RAD51B: variants seen among roughly 807,000 people sequenced by gnomAD.
The protein encoded by RAD51B is RAD51 paralog B, also known as DNA repair protein RAD51 homolog 2.
A neutral mutation model predicts 42.2 loss-of-function variants in RAD51B; 38 were observed. That is an observed-to-expected ratio of 0.90 (90% CI 0.70 to 1.18). The LOEUF is 1.18. RAD51B is among the 50% of genes most tolerant of loss of function. The pLI, the probability that RAD51B is intolerant of heterozygous loss-of-function variation, is 0.00. For missense variants in RAD51B, 373 were observed against 400.7 expected, an observed-to-expected ratio of 0.93 and a Z score of 0.59; for synonymous variants, 154 against 145.2, an observed-to-expected ratio of 1.06 and a Z score of -0.43.
downstream of RAD51B, among the ~76,000 whole-genome samples, chr14:68,481,820 C>T (rs1883199941): frequency 6.6e-6 from 1 of 152,208 alleles, no homozygotes; most frequent in Admixed American, 6.5e-5. Context: ...TAATACTACA[C>T]ACACAATAGT....
At position 68,683,025 on chromosome 14, in the gene RAD51B, C is replaced by A. The variant is rs550878404; in HGVS notation, c.*11+32169C>A. 1,558 of 917,750 alleles carry A rather than the reference C, an allele frequency of 1.7e-3. 2 individuals carry two copies. Among genetic ancestry groups the A allele is most frequent in the Non-Finnish European group, 1.9e-3 (1,460 of 762,548 alleles). 56.9% of individuals were successfully genotyped at this position (917,750 alleles called of 1,614,324 possible). A position where few individuals can be genotyped will look rare whatever the true frequency, so the allele number is the denominator to read the frequency against. The stretch of plus-strand genomic sequence containing the variant: ...CAGCAGCATATCCTGTCACAAAGGA[C>A]CCCAGTTGAGTAATCGCCCAAAATA... On this transcript the variant is annotated intron_variant, in intron 11 of 11. Transcript: ENST00000488612.
At chr14:67,902,990 C>A (rs544006026) in intron 7 of RAD51B, among the ~76,000 whole-genome samples, 1 of 152,026 alleles carries the variant, frequency 6.6e-6, no homozygotes, top group Non-Finnish European at 1.5e-5. Context: ...GCTGGGATTA[C>A]AGGCTCCCAC....
chr14:68,444,593 C>T (rs2085379344), intron 9 of RAD51B, among the ~76,000 whole-genome samples: 1 of 152,128 alleles, frequency 6.6e-6, no homozygotes, highest in Admixed American at 6.5e-5. Flanking sequence ...TGGCATTGGC[C>T]ACAGGGCTGC....
At chr14:68,388,094 ATTT>A (rs10676248) in intron 8 of RAD51B, among the ~76,000 whole-genome samples, 8 of 118,928 alleles carry the variant, frequency 6.7e-5, no homozygotes, top group South Asian at 5.0e-4. Flanking sequence ...ATATATATAT[ATTT>A]TTTTTTTTTT....
intron 7 of RAD51B, among the ~76,000 whole-genome samples, chr14:68,015,193 G>T (rs918777289): frequency 6.6e-6 from 1 of 152,136 alleles, no homozygotes; most frequent in Non-Finnish European, 1.5e-5. Flanking sequence ...AAGTGCTTAG[G>T]ATAGTGCTTA....
chr14:68,153,953 C>T (rs893625636), intron 7 of RAD51B, among the ~76,000 whole-genome samples: 4 of 152,188 alleles, frequency 2.6e-5, no homozygotes, highest in African/African-American at 9.7e-5. Context: ...AGAAAAGAAT[C>T]TCTTTGTCAA....
chr14:67,944,348 A>G (rs1456165663), intron 7 of RAD51B, among the ~76,000 whole-genome samples: 2 of 152,100 alleles, frequency 1.3e-5, no homozygotes, highest in Admixed American at 1.3e-4. Flanking sequence ...TTTTCTTTCA[A>G]AACATTGCCT....
chr14:68,249,485 C>T (rs947929578), intron 7 of RAD51B, among the ~76,000 whole-genome samples: 1 of 152,136 alleles, frequency 6.6e-6, no homozygotes, highest in African/African-American at 2.4e-5. Context: ...GAACCACAAT[C>T]GGATTTCATT....
chr14:68,577,449 A>T (rs1416775904), intron 10 of RAD51B, among the ~76,000 whole-genome samples: 1 of 151,978 alleles, frequency 6.6e-6, no homozygotes, highest in Non-Finnish European at 1.5e-5. Flanking sequence ...AGATGCTTCC[A>T]CAGTCAAATG....
At chr14:68,129,906 G>A (rs1026602076) in intron 7 of RAD51B, among the ~76,000 whole-genome samples, 7 of 152,190 alleles carry the variant, frequency 4.6e-5, no homozygotes, top group African/African-American at 1.7e-4. Flanking sequence ...TGGTCTATAG[G>A]TGTGTTAGTT....
chr14:67,978,302 C>A (rs1459110674), intron 7 of RAD51B, among the ~76,000 whole-genome samples: 3 of 152,198 alleles, frequency 2.0e-5, no homozygotes, highest in Non-Finnish European at 4.4e-5. Flanking sequence ...GGCTAAAGTT[C>A]TTGATTCTTA....
At chr14:67,827,228 A>G (rs936247415) in intron 3 of RAD51B, among the ~76,000 whole-genome samples, 1 of 152,222 alleles carries the variant, frequency 6.6e-6, no homozygotes, top group Non-Finnish European at 1.5e-5. Context: ...AGCACCAGAA[A>G]AACCTTTAAT....
chr14:67,983,927 G>T lies in RAD51B; in HGVS notation c.756+96723G>T, dbSNP rs1047697817. 4.8e-5 allele frequency among the ~76,000 whole-genome samples: 7 copies of T among 145,238 alleles called. No individual in the cohort carries two copies. The East Asian group carries it at 1.2e-3, about 25-fold the overall frequency. Reference sequence around the variant, plus strand: ...CAAGCAGAAAAATCAGACAGGGCTGGTTTTTTTTTTTTCTTTCTTTCTTTT... The same window carrying T: ...CAAGCAGAAAAATCAGACAGGGCTGTTTTTTTTTTTTTCTTTCTTTCTTTT... On this transcript the variant is annotated intron_variant, in intron 7 of 10. Transcript: ENST00000471583.
At chr14:68,366,298 A>T (rs566408412) in intron 8 of RAD51B, among the ~76,000 whole-genome samples, 3 of 152,328 alleles carry the variant, frequency 2.0e-5, no homozygotes, top group Non-Finnish European at 4.4e-5. Flanking sequence ...TGACGGTGAT[A>T]AGACATTGGC....
chr14:68,641,328 T>C lies in RAD51B; in HGVS notation c.1037-9453T>C, dbSNP rs185328134. On this transcript the variant is annotated intron_variant, in intron 10 of 11. Coordinates refer to the RAD51B transcript ENST00000488612. ...TTTGTATCCTGCAACCCTACTATAA[T>C]TGCTCGAAGTCCCAGGAGCTTAAGA... Among the ~76,000 whole-genome samples, 58 of 152,302 alleles carry C rather than the reference T, an allele frequency of 3.8e-4. 1 individual carries two copies. The highest frequency in any genetic ancestry group is 1.2e-3 in the Admixed American group (18 of 15,302).
chr14:68,561,841 G>A (rs575914661), intron 10 of RAD51B, among the ~76,000 whole-genome samples: 4 of 152,298 alleles, frequency 2.6e-5, no homozygotes, highest in Admixed American at 2.0e-4. Context: ...CTGGTGGCCC[G>A]ACTTGTCTGG....
intron 9 of RAD51B, among the ~76,000 whole-genome samples, chr14:68,436,611 A>G (rs1044679854): frequency 6.6e-6 from 1 of 152,190 alleles, no homozygotes; most frequent in Non-Finnish European, 1.5e-5. Flanking sequence ...TTCTTTGCAC[A>G]GTATGGCCAT....
chr14:68,350,629 A>G (rs1383961063), intron 8 of RAD51B, among the ~76,000 whole-genome samples: 1 of 152,248 alleles, frequency 6.6e-6, no homozygotes, highest in Non-Finnish European at 1.5e-5. Flanking sequence ...AGACAGATGG[A>G]TAAATGAAAA....
intron 7 of RAD51B, among the ~76,000 whole-genome samples, chr14:68,041,844 T>A (rs573266747): frequency 1.6e-4 from 25 of 152,348 alleles, no homozygotes; most frequent in African/African-American, 6.0e-4. Context: ...TCTGCATCCA[T>A]GAGGCCTCTG....
Sources: allele counts gnomAD v4.1 joint callset (sites outside exome capture counted in the v4.1 genomes callset), GRCh38; gene constraint gnomAD v4.1.1; transcripts MANE v1.5; gene names NCBI Gene and HGNC (gene_info 2026-07-23, HGNC 2026-07-21).